Variants in MEMO1 observed in about 807,000 individuals in gnomAD.
The protein encoded by MEMO1 is mediator of cell motility 1.
In MEMO1, 6 loss-of-function variants were observed where a neutral mutation model predicts 45.2. That is an observed-to-expected ratio of 0.13 (90% CI 0.07 to 0.26). MEMO1 has a LOEUF of 0.26. Ranked by LOEUF, MEMO1 falls within the 10% of genes least tolerant of loss-of-function variation. The pLI, the probability that MEMO1 is intolerant of heterozygous loss-of-function variation, is 1.00. For missense variants in MEMO1, 184 were observed against 370.5 expected, an observed-to-expected ratio of 0.50 and a Z score of 4.13; for synonymous variants, 78 against 124.3, an observed-to-expected ratio of 0.63 and a Z score of 2.48.
At chr2:31,870,206 T>C (rs1673489503) in intron 8 of MEMO1, among the ~76,000 whole-genome samples, 1 of 152,180 alleles carries the variant, frequency 6.6e-6, no homozygotes, top group African/African-American at 2.4e-5. Context: ...GGTATGTTTC[T>C]ATACTACTTT....
chr2:31,888,994 A>C (rs1186728896), intron 7 of MEMO1, among the ~76,000 whole-genome samples: 1 of 152,118 alleles, frequency 6.6e-6, no homozygotes, highest in Admixed American at 6.6e-5. Flanking sequence ...AAGTAAAATA[A>C]ATTTAAGAAA....
rs556067081 is a variant in MEMO1 at position 31,893,757 on chromosome 2, G to C, written c.438-1623C>G. ...AAGAACACTATAGGAAAGGTACTTC[G>C]TCACAAGAGTTGGCTCACTCTGAAT... On this transcript the variant is annotated intron_variant, in intron 6 of 9. Coordinates refer to ENST00000404530, the MANE Select transcript of MEMO1 (RefSeq NM_001301833.4). Among the ~76,000 whole-genome samples, 9 of 152,136 alleles carry C rather than the reference G, an allele frequency of 5.9e-5. No homozygotes were observed. In the East Asian group the frequency reaches 1.4e-3, roughly 23 times the overall value.
At chr2:31,904,397 T>C (rs1334683960) in intron 6 of MEMO1, among the ~76,000 whole-genome samples, 1 of 152,220 alleles carries the variant, frequency 6.6e-6, no homozygotes, top group East Asian at 1.9e-4. Context: ...ACAGGCAGAA[T>C]GCCTACATGA....
chr2:31,877,099 C>T (rs1358084468), intron 8 of MEMO1, among the ~76,000 whole-genome samples: 1 of 152,228 alleles, frequency 6.6e-6, no homozygotes, highest in Non-Finnish European at 1.5e-5. Flanking sequence ...CCACCCTCCC[C>T]ATCCATTTAT....
chr2:31,980,661 G>A (rs192644908), intron 2 of MEMO1, among the ~76,000 whole-genome samples: 1 of 151,898 alleles, frequency 6.6e-6, no homozygotes, highest in South Asian at 2.1e-4. Context: ...ATTTTTCACT[G>A]TATTTCAGCC....
chr2:31,953,976 A>AT (rs1279690357), intron 2 of MEMO1, among the ~76,000 whole-genome samples: 1 of 152,178 alleles, frequency 6.6e-6, no homozygotes, highest in Non-Finnish European at 1.5e-5. Context: ...AAATATTCTG[A>AT]TTTTTTAAAA....
At chr2:31,978,159 G>C (rs1670222820) in intron 2 of MEMO1, among the ~76,000 whole-genome samples, 2 of 152,064 alleles carry the variant, frequency 1.3e-5, no homozygotes, top group East Asian at 3.9e-4. Context: ...AGTCAAGGCG[G>C]GAGGATCATT....
At chr2:31,909,813 G>C (rs1680298044) in intron 6 of MEMO1, among the ~76,000 whole-genome samples, 1 of 151,984 alleles carries the variant, frequency 6.6e-6, no homozygotes, top group Admixed American at 6.6e-5. Context: ...CAGAAGGAGA[G>C]AAAGAAATAC....
intron 2 of MEMO1, among the ~76,000 whole-genome samples, chr2:32,005,008 T>A (rs1447078562): frequency 6.7e-6 from 1 of 150,322 alleles, no homozygotes; most frequent in Non-Finnish European, 1.5e-5. Context: ...AAAAATCACA[T>A]ATACATTGAC....
intron 2 of MEMO1, among the ~76,000 whole-genome samples, chr2:32,007,450 T>A (rs943161086): frequency 2.6e-5 from 4 of 152,154 alleles, no homozygotes; most frequent in Admixed American, 6.5e-5. Flanking sequence ...CAAGAAAAAA[T>A]TTGTTACTCT....
intron 8 of MEMO1, among the ~76,000 whole-genome samples, chr2:31,876,636 A>G (rs1674607051): frequency 1.3e-5 from 2 of 152,180 alleles, no homozygotes; most frequent in Admixed American, 1.3e-4. Flanking sequence ...GATGTCTTAA[A>G]GGCAACAGCA....
At position 32,004,905 on chromosome 2, in the gene MEMO1, C is replaced by A. The variant is rs1276149646; in HGVS notation, c.61+5282G>T. Among the ~76,000 whole-genome samples, 27 of 147,152 alleles carry A rather than the reference C, an allele frequency of 1.8e-4. 1 individual carries two copies. The highest frequency in any genetic ancestry group is 3.7e-4 in the Non-Finnish European group (25 of 67,154). On this transcript the variant is annotated intron_variant, in intron 2 of 9. Coordinates refer to ENST00000404530, the MANE Select transcript of MEMO1 (RefSeq NM_001301833.4). ...TCGCACCACTGCACTCCAGCCTGGGCAACACAGTTAGACCCCGTTTCAAAA... is the reference window on the plus strand; with the variant it reads ...TCGCACCACTGCACTCCAGCCTGGGAAACACAGTTAGACCCCGTTTCAAAA...
At chr2:31,925,492 A>AAAAAAAAAAAAAAAAAAAAG (rs1558507956) in intron 4 of MEMO1, among the ~76,000 whole-genome samples, 2 of 133,940 alleles carry the variant, frequency 1.5e-5, no homozygotes, top group African/African-American at 5.1e-5. Context: ...AAAAAAAAAA[A>AAAAAAAAAAAAAAAAAAAAG]AAAAAAATCT....
intron 6 of MEMO1, among the ~76,000 whole-genome samples, chr2:31,910,115 C>A (rs143988768): frequency 6.6e-6 from 1 of 151,560 alleles, no homozygotes; most frequent in African/African-American, 2.4e-5. Context: ...GTGCTGATAG[C>A]GAAAGAAAAA....
At chr2:31,932,753 T>A (rs1274120340) in intron 3 of MEMO1, among the ~76,000 whole-genome samples, 1 of 152,190 alleles carries the variant, frequency 6.6e-6, no homozygotes, top group Non-Finnish European at 1.5e-5. Context: ...AGTTTTTTTA[T>A]ACTCCTCTTC....
intron 2 of MEMO1, among the ~76,000 whole-genome samples, chr2:31,953,310 T>TG (rs745795574): frequency 1.2e-3 from 155 of 130,282 alleles, no homozygotes; most frequent in Non-Finnish European, 1.9e-3. Flanking sequence ...GAGGTTGCAG[T>TG]GGGCTGAGAT....
chr2:31,908,820 A>G (rs992234589), intron 6 of MEMO1, among the ~76,000 whole-genome samples: 1 of 152,250 alleles, frequency 6.6e-6, no homozygotes, highest in Non-Finnish European at 1.5e-5. Context: ...CAAGAGTTTA[A>G]CAGACTTGGA....
chr2:31,959,505 A>C (rs1056438538), intron 2 of MEMO1, among the ~76,000 whole-genome samples: 8 of 152,088 alleles, frequency 5.3e-5, no homozygotes. Flanking sequence ...AGAACTGAAA[A>C]AAAAAAAGCC....
At chr2:31,889,487 T>TA (rs1209039202) in intron 7 of MEMO1, among the ~76,000 whole-genome samples, 9 of 152,084 alleles carry the variant, frequency 5.9e-5, no homozygotes, top group Admixed American at 5.9e-4. Context: ...GAGATGATAA[T>TA]ATGGCACACT....
Sources: gnomAD v4.1 joint callset for allele counts (sites outside exome capture counted in the v4.1 genomes callset) on GRCh38, gnomAD v4.1.1 for gene constraint, MANE v1.5 for transcripts, NCBI Gene and HGNC (gene_info 2026-07-23, HGNC 2026-07-21) for gene names.